The following CELF2 variants were observed in gnomAD, a reference collection of about 807,000 sequenced individuals.
CELF2 encodes CUG triplet repeat RNA-binding protein 2.
CELF2 carries 8 observed loss-of-function variants against 62.6 expected under a neutral mutation model. That is an observed-to-expected ratio of 0.13 (90% CI 0.07 to 0.23). The LOEUF (loss-of-function observed/expected upper bound fraction) is 0.23. CELF2 is among the 10% of genes least tolerant of loss of function. CELF2 has a pLI of 1.00. For missense variants in CELF2, 333 were observed against 671.0 expected, an observed-to-expected ratio of 0.50 and a Z score of 5.56; for synonymous variants, 258 against 250.0, an observed-to-expected ratio of 1.03 and a Z score of -0.30.
chr10:10,556,854 T>C, the CELF2 span, among the ~76,000 whole-genome samples: 316 of 150,472 alleles, frequency 2.1e-3, 10 homozygotes, highest in Non-Finnish European at 6.9e-4. Context: ...TCTGTTCATG[T>C]CCTTCGCCCA....
chr10:11,166,310 GC>G (rs1191620251), intron 2 of CELF2, among the ~76,000 whole-genome samples: 1 of 152,154 alleles, frequency 6.6e-6, no homozygotes, highest in African/African-American at 2.4e-5. Context: ...TGAGGGTTAC[GC>G]CCTTATCAGT....
Position 11,081,770 on chromosome 10 carries a change from G to A in CELF2, c.74+63607G>A, listed in dbSNP as rs181676390. Among the ~76,000 whole-genome samples, 498 of 152,210 alleles carry A rather than the reference G, an allele frequency of 3.3e-3. 1 individual carries two copies. The highest frequency in any genetic ancestry group is 4.8e-3 in the Non-Finnish European group (324 of 68,012). On this transcript the variant is annotated intron_variant, in intron 1 of 12. Transcript: ENST00000633077. Reference sequence around the variant, plus strand: ...TCTGGTAAATAAGTATTGGCAAAGGGTTTCTAGTGTGTATCAGCTGGGCTT... The same window carrying A: ...TCTGGTAAATAAGTATTGGCAAAGGATTTCTAGTGTGTATCAGCTGGGCTT...
rs1284899431 is a variant in CELF2, at chr10:10,934,995, A to T, written c.89+14996A>T. On this transcript the variant is annotated intron_variant, in intron 2 of 13. Coordinates refer to the CELF2 transcript ENST00000636488. This position sits in a 1 kb window ranked among gnomAD's most constrained non-coding sequence, Gnocchi z 4.4. ...TGGTAATTTCTCAGGAGAAAACGGA[A>T]AAAGGACTTCTCTGGGGTGACTTCA... 6.6e-6 allele frequency: 1 copy of T among 152,236 alleles called. No individual in the cohort carries two copies. The highest frequency in any genetic ancestry group is 1.5e-5 in the Non-Finnish European group (1 of 68,038). The allele number at this position is 152,236 out of a possible 1,614,324, so 9.4% of individuals were successfully genotyped here. A position where few individuals can be genotyped will look rare whatever the true frequency, so the allele number is the denominator to read the frequency against.
intron 1 of CELF2, among the ~76,000 whole-genome samples, chr10:10,839,078 G>A (rs970450857): frequency 6.6e-6 from 1 of 152,114 alleles, no homozygotes; most frequent in African/African-American, 2.4e-5. Context: ...CCCAGGAGGG[G>A]GAGGTTGCAG....
chr10:10,666,854 T>A, the CELF2 span, among the ~76,000 whole-genome samples: 1 of 55,316 alleles, frequency 1.8e-5, no homozygotes, highest in Non-Finnish European at 3.0e-5. Context: ...AGAGCGAGAC[T>A]CCGTCTCAAA....
chr10:11,077,174 A>G (rs1392959229), intron 1 of CELF2, among the ~76,000 whole-genome samples: 2 of 152,222 alleles, frequency 1.3e-5, no homozygotes, highest in Non-Finnish European at 1.5e-5. Context: ...GAGGGTTATC[A>G]TTATAAATAC....
chr10:10,959,572 A>T (rs1368140189), intron 2 of CELF2, among the ~76,000 whole-genome samples: 1 of 152,236 alleles, frequency 6.6e-6, no homozygotes, highest in Non-Finnish European at 1.5e-5. Context: ...CACCATGGAA[A>T]ACCAAACATG....
At chr10:10,643,880 A>G in the CELF2 span, among the ~76,000 whole-genome samples, 1 of 152,230 alleles carries the variant, frequency 6.6e-6, no homozygotes, top group Admixed American at 6.5e-5. Context: ...CCTTTGACAC[A>G]GTTACAGTTT....
chr10:11,228,974 G>A (rs2067617043), intron 3 of CELF2, among the ~76,000 whole-genome samples: 1 of 152,170 alleles, frequency 6.6e-6, no homozygotes. Flanking sequence ...GAGGAAGAAA[G>A]GACCTGTGCA....
chr10:10,485,062 C>T, the CELF2 span, among the ~76,000 whole-genome samples: 1 of 152,182 alleles, frequency 6.6e-6, no homozygotes. Flanking sequence ...TTCACTGGGG[C>T]AGCCCAGTAA....
At chr10:10,651,204 T>A in the CELF2 span, among the ~76,000 whole-genome samples, 1 of 121,152 alleles carries the variant, frequency 8.3e-6, no homozygotes, top group East Asian at 2.0e-4. Context: ...ATCCCACATC[T>A]GGCTCGGAGG....
chr10:10,835,626 AC>A (rs2058227515), intron 1 of CELF2, among the ~76,000 whole-genome samples: 1 of 151,216 alleles, frequency 6.6e-6, no homozygotes, highest in East Asian at 1.9e-4. Context: ...CAGGTGATCC[AC>A]CCCCTTCAGC....
At chr10:10,925,736 C>T (rs2065399218) in intron 2 of CELF2, among the ~76,000 whole-genome samples, 1 of 152,108 alleles carries the variant, frequency 6.6e-6, no homozygotes, top group Admixed American at 6.5e-5. Flanking sequence ...ACAGAGTCCC[C>T]AGACCTTGCC....
the CELF2 span, among the ~76,000 whole-genome samples, chr10:10,632,703 A>T: frequency 6.6e-5 from 10 of 152,276 alleles, no homozygotes; most frequent in Admixed American, 6.5e-4. Context: ...TATTTAAGTT[A>T]TTTTAGTAGA....
At chr10:10,872,107 C>T (rs2133403774) in intron 1 of CELF2, among the ~76,000 whole-genome samples, 1 of 152,308 alleles carries the variant, frequency 6.6e-6, no homozygotes, top group South Asian at 2.1e-4. Context: ...TCCTTCCCTT[C>T]CTCTCTCCCT....
At chr10:10,698,606 A>G in the CELF2 span, among the ~76,000 whole-genome samples, 1 of 152,210 alleles carries the variant, frequency 6.6e-6, no homozygotes, top group African/African-American at 2.4e-5. Flanking sequence ...TGTGTATTTA[A>G]TAGCTTGCTT....
At chr10:11,248,078 G>C (rs2076150364) in intron 3 of CELF2, among the ~76,000 whole-genome samples, 1 of 152,214 alleles carries the variant, frequency 6.6e-6, no homozygotes, top group African/African-American at 2.4e-5. Context: ...AAGTCCACTG[G>C]GGAAATGAAA....
In CELF2 at chr10:10,818,094, A is replaced by G. The variant is rs188230397; in HGVS notation, c.53+19277A>G. 1.9e-3 allele frequency among the ~76,000 whole-genome samples: 282 copies of G among 152,322 alleles called. 2 individuals carry two copies. Among genetic ancestry groups the G allele is most frequent in the South Asian group, 0.013 (64 of 4,828 alleles). Reference sequence around the variant, plus strand: ...TAAAGCCAAATATTTCTGATCACCAAGGGTATTTCATTGGGGTCAATAAAA... The same window carrying G: ...TAAAGCCAAATATTTCTGATCACCAGGGGTATTTCATTGGGGTCAATAAAA... On this transcript the variant is annotated intron_variant, in intron 1 of 13. Transcript: ENST00000636488.
the CELF2 span, among the ~76,000 whole-genome samples, chr10:10,701,855 G>A: frequency 2.2e-4 from 34 of 152,250 alleles, no homozygotes; most frequent in African/African-American, 6.0e-4. Context: ...GTAGTTAGAC[G>A]AATCCCTAGC....
Sources: gnomAD v4.1 joint callset for allele counts (sites outside exome capture counted in the v4.1 genomes callset) on GRCh38, gnomAD v4.1.1 for gene constraint, Gnocchi (gnomAD v3.1) non-coding constraint, MANE v1.5 for transcripts, NCBI Gene and HGNC (gene_info 2026-07-23, HGNC 2026-07-21) for gene names.